LAMA3: variants seen among roughly 807,000 people sequenced by gnomAD.
The protein encoded by LAMA3 is laminin subunit alpha-3.
In LAMA3, 281 loss-of-function variants were observed where a neutral mutation model predicts 402.0. That is an observed-to-expected ratio of 0.70 (90% confidence interval 0.63 to 0.77). The LOEUF is 0.77. LAMA3 is among the 30% of genes least tolerant of loss of function. LAMA3 has a pLI of 0.00. For synonymous variants in LAMA3, 1,431 were observed against 1,558.4 expected (o/e 0.92, Z 1.93); for missense variants, 3,840 against 4,215.5 (o/e 0.91, Z 2.47).
At chr18:23,854,662 T>C (rs188181411) in intron 32 of LAMA3, among the ~76,000 whole-genome samples, 1 of 136,974 alleles carries the variant, frequency 7.3e-6, no homozygotes, top group African/African-American at 2.7e-5. Flanking sequence ...TAAATAAAAA[T>C]AAATAAAAAA....
intron 2 of LAMA3, among the ~76,000 whole-genome samples, chr18:23,743,112 G>A (rs968762078): frequency 2.0e-5 from 3 of 152,182 alleles, no homozygotes; most frequent in African/African-American, 7.2e-5. Flanking sequence ...ATGAAAACAG[G>A]TACCGCAGTG....
At chr18:23,841,472 C>G (rs559928886) in intron 27 of LAMA3, among the ~76,000 whole-genome samples, 1 of 152,238 alleles carries the variant, frequency 6.6e-6, no homozygotes, top group Non-Finnish European at 1.5e-5. Context: ...GGAGGACTCC[C>G]TCTCCCAGGG....
chr18:23,911,270 A>G (rs1455850823), intron 55 of LAMA3, among the ~76,000 whole-genome samples: 2 of 152,192 alleles, frequency 1.3e-5, no homozygotes, highest in Non-Finnish European at 2.9e-5. Flanking sequence ...AATGCCTTGC[A>G]TATACAAGAT....
intron 50 of LAMA3, 83 bp from the exon 51 acceptor site, chr18:23,904,470 A>T: frequency 1.5e-6 from 2 of 1,352,302 alleles, no homozygotes; most frequent in Non-Finnish European, 2.0e-6. Flanking sequence ...AAAAATAAAA[A>T]GAAGAAATGG....
At chr18:23,729,131 T>A (rs1380678881) in intron 2 of LAMA3, among the ~76,000 whole-genome samples, 1 of 140,428 alleles carries the variant, frequency 7.1e-6, no homozygotes. Flanking sequence ...TATGTGTGTG[T>A]GTGTGTGTGT....
At chr18:23,914,131 C>T (rs2081527764) in intron 56 of LAMA3, among the ~76,000 whole-genome samples, 1 of 152,140 alleles carries the variant, frequency 6.6e-6, no homozygotes, top group Non-Finnish European at 1.5e-5. Context: ...TGAGTCTATA[C>T]CTGGGCCCTC....
chr18:23,916,005 C>CAAAAAAAAAAAA (rs1408575781), intron 59 of LAMA3, among the ~76,000 whole-genome samples: 3 of 41,946 alleles, frequency 7.2e-5, no homozygotes, highest in African/African-American at 1.4e-4. Context: ...GACTCCATCT[C>CAAAAAAAAAAAA]CAAAAAAAAA....
At chr18:23,853,163 G>A (rs1258420155) in intron 32 of LAMA3, among the ~76,000 whole-genome samples, 1 of 152,130 alleles carries the variant, frequency 6.6e-6, no homozygotes, top group Non-Finnish European at 1.5e-5. Flanking sequence ...TATGTAGAAG[G>A]CACTCAATAA....
chr18:23,891,723 TA>T (rs2080673247), intron 42 of LAMA3, among the ~76,000 whole-genome samples: 1 of 152,174 alleles, frequency 6.6e-6, no homozygotes, highest in Non-Finnish European at 1.5e-5. Context: ...GCAGGAGGTG[TA>T]AAAAAGCTTA....
chr18:23,888,354 T>G (rs1218347792), intron 41 of LAMA3, among the ~76,000 whole-genome samples: 1 of 152,244 alleles, frequency 6.6e-6, no homozygotes. Context: ...GTCTGTTATG[T>G]GCAGATATTA....
intron 44 of LAMA3, among the ~76,000 whole-genome samples, chr18:23,897,755 G>A (rs1345942040): frequency 1.3e-5 from 2 of 152,192 alleles, no homozygotes; most frequent in Non-Finnish European, 2.9e-5. Context: ...TCTTCTTGCT[G>A]TATCACACAA....
chr18:23,822,010 T>C (rs746139631), intron 19 of LAMA3, among the ~76,000 whole-genome samples: 3 of 152,240 alleles, frequency 2.0e-5, no homozygotes, highest in Non-Finnish European at 4.4e-5. Flanking sequence ...TCTCAGTTGC[T>C]GAGGGAGTGC....
In LAMA3 at chr18:23,904,569, A is replaced by C. The variant is rs767133577; in HGVS notation, c.6490A>C (p.Ser2164Arg). The C allele has an allele frequency of 6.2e-7, 1 of 1,600,612 alleles. No homozygotes were observed. Among genetic ancestry groups the C allele is most frequent in the Admixed American group, 1.7e-5 (1 of 57,912 alleles). ...GTCTTCCAGGATCAAGAGAAACGCC[A>C]GCGGGGATGAGCTGGTGCGCTGTGC... is the stretch of plus-strand genomic sequence containing the variant. ...KQLEEIKRNA[S>R]GDELVRCAVD... The change falls in exon 51 of 75, where the codon AGC becomes CGC. Residue 2164 changes from serine (S) to arginine (R), a missense_variant. By Grantham distance (110) the Ser-to-Arg change is moderately radical (BLOSUM62 -1). This residue lies in a region of LAMA3 where 891 missense variants were observed against 857.5 expected (regional missense o/e 1.04). Coordinates refer to ENST00000313654, the MANE Select transcript of LAMA3 (RefSeq NM_198129.4).
chr18:23,898,691 T>C, intron 44 of LAMA3, 47 bp from the exon 45 acceptor site: 1 of 1,037,856 alleles, frequency 9.6e-7, no homozygotes, highest in Non-Finnish European at 1.5e-6. Context: ...TTGATAGGAC[T>C]TAGTCTTTAT....
At chr18:23,899,145 A>G in intron 46 of LAMA3, 80 bp downstream of exon 46, 1 of 1,307,166 alleles carries the variant, frequency 7.7e-7, no homozygotes, top group South Asian at 1.2e-5. Context: ...TCCCTTTAAG[A>G]TTTCAACATT....
At position 23,815,168 on chromosome 18, in the gene LAMA3, A is replaced by T; in HGVS notation, c.1889-20A>T. On this transcript the variant is annotated intron_variant, in intron 15 of 74. Transcript: ENST00000313654. ...CTTTTGTGTCTCCCTTAGTTCAAGG[A>T]TGCTCTCTTATCTCCACAGAATGCA... is the stretch of plus-strand genomic sequence containing the variant. 1.2e-6 allele frequency: 2 copies of T among 1,612,054 alleles called. No individual in the cohort carries two copies. Among genetic ancestry groups the T allele is most frequent in the Non-Finnish European group, 8.5e-7 (1 of 1,178,106 alleles).
chr18:23,816,204 G>A (rs1568214419), intron 17 of LAMA3, among the ~76,000 whole-genome samples, 184 bp from the exon 18 acceptor site: 3 of 152,274 alleles, frequency 2.0e-5, no homozygotes, highest in South Asian at 2.1e-4. Flanking sequence ...ATTTCCAAGC[G>A]CGGACACACC....
chr18:23,914,922 C>A, intron 58 of LAMA3, 62 bp downstream of exon 58: 1 of 1,291,112 alleles, frequency 7.7e-7, no homozygotes, highest in Non-Finnish European at 1.1e-6. Flanking sequence ...ATGGTGATGA[C>A]CTCATGTCTC....
At position 23,914,678 on chromosome 18, in the gene LAMA3, T is replaced by G; in HGVS notation, c.7482-20T>G. ...TCAAATTTTTTGTTTAACTTTATTA[T>G]CTAAATTCATTTTAAACAGAATTTA... is the stretch of plus-strand genomic sequence containing the variant. On this transcript the variant is annotated intron_variant, in intron 57 of 74. Transcript: ENST00000313654. 1 of 1,603,612 alleles carries G rather than the reference T, an allele frequency of 6.2e-7. No homozygotes were observed. The highest frequency in any genetic ancestry group is 8.5e-7 in the Non-Finnish European group (1 of 1,173,392).
Sources: allele counts gnomAD v4.1 joint callset (sites outside exome capture counted in the v4.1 genomes callset), GRCh38; gene constraint gnomAD v4.1.1; regional missense constraint gnomAD v4.1.1; transcripts MANE v1.5; gene names NCBI Gene and HGNC (gene_info 2026-07-23, HGNC 2026-07-21).